Variants in CCR8 observed in about 807,000 individuals in gnomAD.
The protein encoded by CCR8 is C-C motif chemokine receptor 8.
For synonymous variants in CCR8, 156 were observed against 165.7 expected, an observed-to-expected ratio of 0.94 and a Z score of 0.45; for missense variants, 358 against 417.5, an observed-to-expected ratio of 0.86 and a Z score of 1.24.
rs2041272990 is a variant in CCR8 at position 39,333,482 on chromosome 3, T to C, written c.*83T>C. On this transcript the variant is annotated 3_prime_UTR_variant, in exon 2 of 2. Coordinates refer to ENST00000326306, the MANE Select transcript of CCR8 (RefSeq NM_005201.4). ...GAGCAAAGGTGTGGGTGTGAAAGGT[T>C]TCCAAAAAAAGTTCAGCATGAAGGA... 8.7e-7 allele frequency: 1 copy of C among 1,146,182 alleles called. No homozygotes were observed. Among genetic ancestry groups the C allele is most frequent in the Non-Finnish European group, 1.2e-6 (1 of 814,528 alleles). 71.0% of individuals were successfully genotyped at this position (1,146,182 alleles called of 1,614,324 possible). A position where few individuals can be genotyped will look rare whatever the true frequency, so the allele number is the denominator to read the frequency against.
At chr3:39,330,565 A>C (rs1219214737) in intron 1 of CCR8, among the ~76,000 whole-genome samples, 1 of 152,194 alleles carries the variant, frequency 6.6e-6, no homozygotes, top group Non-Finnish European at 1.5e-5. Flanking sequence ...CAAGTTTTAT[A>C]ATTTTTATGT....
chr3:39,331,082 C>G (rs2041251608), intron 1 of CCR8, among the ~76,000 whole-genome samples: 1 of 151,874 alleles, frequency 6.6e-6, no homozygotes, highest in Non-Finnish European at 1.5e-5. Flanking sequence ...AAAAAATAAC[C>G]CAAAGCATTG....
In CCR8 at chr3:39,332,356, G is replaced by A. The variant is rs754604820; in HGVS notation, c.25G>A (p.Val9Met). 6.2e-7 allele frequency: 1 copy of A among 1,613,818 alleles called. No homozygotes were observed. Among genetic ancestry groups the A allele is most frequent in the Non-Finnish European group, 8.5e-7 (1 of 1,179,740 alleles). Residue 9 changes from valine (V) to methionine (M), a missense_variant, in exon 2 of 2, where the codon GTG becomes ATG. By Grantham distance (21) the Val-to-Met change is conservative. Transcript: ENST00000326306. ...GATGGATTATACACTTGACCTCAGTGTGACAACAGTGACCGACTACTACTA... is the reference window on the plus strand; with the variant it reads ...GATGGATTATACACTTGACCTCAGTATGACAACAGTGACCGACTACTACTA... MDYTLDLS[V>M]TTVTDYYYPD...
chr3:39,333,251 T>C lies in CCR8; in HGVS notation c.920T>C (p.Phe307Ser). Residue 307 changes from phenylalanine (F) to serine (S), a missense_variant, in exon 2 of 2, where the codon TTC (phenylalanine) becomes TCC (serine). By Grantham distance (155) the Phe-to-Ser change is radical. Transcript: ENST00000326306. Reference sequence around the variant, plus strand: ...ATCTATGCTTTTGTTGGGGAGAAGTTCAAGAAACACCTCTCAGAAATATTT... The same window carrying C: ...ATCTATGCTTTTGTTGGGGAGAAGTCCAAGAAACACCTCTCAGAAATATTT... ...PVIYAFVGEK[F>S]KKHLSEIFQK... The C allele has an allele frequency of 6.2e-7, 1 of 1,614,004 alleles. No homozygotes were observed. Among genetic ancestry groups the C allele is most frequent in the Non-Finnish European group, 8.5e-7 (1 of 1,179,988 alleles).
chr3:39,331,028 G>A (rs1197736740), intron 1 of CCR8, among the ~76,000 whole-genome samples: 1 of 151,478 alleles, frequency 6.6e-6, no homozygotes, highest in Non-Finnish European at 1.5e-5. Context: ...GAGGGAATGA[G>A]GGAGGGAGAA....
Position 39,333,668 on chromosome 3 carries a change from C to T in CCR8, c.*269C>T, listed in dbSNP as rs1392139496. On this transcript the variant is annotated 3_prime_UTR_variant, in exon 2 of 2. Coordinates refer to ENST00000326306, the MANE Select transcript of CCR8 (RefSeq NM_005201.4). ...CCAAGTGAAAAAAAAAGATGTCTGA[C>T]CTCCTTACATATGCAAAAATATACC... Among the ~76,000 whole-genome samples, 1 of 152,076 alleles carries T rather than the reference C, an allele frequency of 6.6e-6. No homozygotes were observed. The highest frequency in any genetic ancestry group is 2.4e-5 in the African/African-American group (1 of 41,378).
At chr3:39,331,476 C>CT (rs1388295905) in intron 1 of CCR8, among the ~76,000 whole-genome samples, 1 of 148,700 alleles carries the variant, frequency 6.7e-6, no homozygotes, top group Non-Finnish European at 1.5e-5. Context: ...TTTCTGTTTT[C>CT]TTTTTTTTGA....
intron 1 of CCR8, among the ~76,000 whole-genome samples, chr3:39,330,188 C>G (rs1050820415): frequency 6.6e-6 from 1 of 152,146 alleles, no homozygotes; most frequent in East Asian, 1.9e-4. Context: ...CTGAAGGACA[C>G]CTGGGTGCTG....
At chr3:39,331,820 A>ATTTTTTT (rs57593683) in intron 1 of CCR8, among the ~76,000 whole-genome samples, 13 of 93,984 alleles carry the variant, frequency 1.4e-4, no homozygotes, top group East Asian at 3.1e-4. Context: ...TTTAATTTTA[A>ATTTTTTT]TTTTTTTTTT....
intron 1 of CCR8, among the ~76,000 whole-genome samples, chr3:39,331,135 T>C (rs1177641328): frequency 6.6e-6 from 1 of 152,186 alleles, no homozygotes; most frequent in African/African-American, 2.4e-5. Context: ...GATGGAACTA[T>C]GGGTATTTAC....
chr3:39,333,212 G>C lies in CCR8; in HGVS notation c.881G>C (p.Cys294Ser), dbSNP rs774697769. 1 of 1,614,066 alleles carries C rather than the reference G, an allele frequency of 6.2e-7. No individual in the cohort carries two copies. Among genetic ancestry groups the C allele is most frequent in the South Asian group, 1.1e-5 (1 of 91,074 alleles). ...GAAATCATTTCCTTTACTCACTGCT[G>C]TGTGAACCCTGTTATCTATGCTTTT... The part of the protein sequence containing the change: ...VTEIISFTHC[C>S]VNPVIYAFVG... The change falls in exon 2 of 2, where the codon TGT becomes TCT. Residue 294 changes from cysteine (C) to serine (S), a missense_variant. Coordinates refer to ENST00000326306, the MANE Select transcript of CCR8 (RefSeq NM_005201.4).
chr3:39,330,949 G>A (rs1391562725), intron 1 of CCR8, among the ~76,000 whole-genome samples: 4 of 151,530 alleles, frequency 2.6e-5, no homozygotes, highest in African/African-American at 7.3e-5. Flanking sequence ...AAGTTGTGTA[G>A]TTAAAGGGAA....
chr3:39,332,980 T>C lies in CCR8; in HGVS notation c.649T>C (p.Cys217Arg), dbSNP rs2041268762. ...GATCCCATTCACCATCTTTATGTTCTGCTACATTAAAATCCTGCACCAGCT... is the reference window on the plus strand; with the variant it reads ...GATCCCATTCACCATCTTTATGTTCCGCTACATTAAAATCCTGCACCAGCT... ...LLIPFTIFMF[C>R]YIKILHQLKR... Residue 217 changes from cysteine (C) to arginine (R), a missense_variant, in exon 2 of 2, where the codon TGC becomes CGC. Transcript: ENST00000326306. 6.2e-7 allele frequency: 1 copy of C among 1,614,214 alleles called. No individual in the cohort carries two copies. The highest frequency in any genetic ancestry group is 1.3e-5 in the African/African-American group (1 of 75,066).
chr3:39,333,465 G>C lies in CCR8; in HGVS notation c.*66G>C. 7.6e-7 allele frequency: 1 copy of C among 1,307,962 alleles called. No homozygotes were observed. The highest frequency in any genetic ancestry group is 1.1e-6 in the Non-Finnish European group (1 of 950,360). The allele number at this position is 1,307,962 out of a possible 1,614,324, so 81.0% of individuals were successfully genotyped here. A position where few individuals can be genotyped will look rare whatever the true frequency, so the allele number is the denominator to read the frequency against. On this transcript the variant is annotated 3_prime_UTR_variant, in exon 2 of 2. Transcript: ENST00000326306. ...GGCATGCTAGTAGCAGTGAGCAAAG[G>C]TGTGGGTGTGAAAGGTTTCCAAAAA...
At position 39,332,811 on chromosome 3, in the gene CCR8, C is replaced by T. The variant is rs145490446; in HGVS notation, c.480C>T (p.Thr160=). The part of the protein sequence containing the change: ...GTTLCLAVWL[T]AIMATIPLLV... ...CGCTGTGCCTGGCAGTATGGCTAACCGCCATTATGGCTACCATCCCATTGC... is the reference window on the plus strand; with the variant it reads ...CGCTGTGCCTGGCAGTATGGCTAACTGCCATTATGGCTACCATCCCATTGC... Residue 160 remains threonine, a synonymous_variant, in exon 2 of 2, where the codon ACC becomes ACT. Transcript: ENST00000326306. The T allele has an allele frequency of 9.4e-5, 152 of 1,614,022 alleles. No homozygotes were observed. The highest frequency in any genetic ancestry group is 5.3e-4 in the African/African-American group (40 of 74,906).
Position 39,332,547 on chromosome 3 carries a change from A to G in CCR8, c.216A>G (p.Val72=). ...AGAAGCTGAGGAGCATCACAGATGT[A>G]TACCTCTTGAACCTGGCCCTGTCTG... is the stretch of plus-strand genomic sequence containing the variant. ...VCKKLRSITD[V]YLLNLALSDL... is the part of the protein sequence containing the mutation. Residue 72 remains valine, a synonymous_variant, in exon 2 of 2, where the codon GTA becomes GTG. Transcript: ENST00000326306. The G allele has an allele frequency of 1.2e-6, 2 of 1,614,058 alleles. No homozygotes were observed. Among genetic ancestry groups the G allele is most frequent in the Non-Finnish European group, 8.5e-7 (1 of 1,179,970 alleles).
rs755394095 is a variant in CCR8 at position 39,332,945 on chromosome 3, T to C, written c.614T>C (p.Leu205Ser). The C allele has an allele frequency of 5.6e-6, 9 of 1,614,064 alleles. No individual in the cohort carries two copies. Among genetic ancestry groups the C allele is most frequent in the Non-Finnish European group, 6.8e-6 (8 of 1,180,024 alleles). ...TTCACCAACTTCAAAATGAACATTT[T>C]AGGCTTGTTGATCCCATTCACCATC... ...KIFTNFKMNI[L>S]GLLIPFTIFM... The change falls in exon 2 of 2, where the codon TTA (leucine) becomes TCA (serine). Residue 205 changes from leucine to serine, a missense_variant. By Grantham distance (145) the Leu-to-Ser change is moderately radical. Transcript: ENST00000326306.
chr3:39,332,123 T>A (rs911843741), intron 1 of CCR8, among the ~76,000 whole-genome samples, 195 bp from the exon 2 acceptor site: 1 of 152,122 alleles, frequency 6.6e-6, no homozygotes, highest in Non-Finnish European at 1.5e-5. Flanking sequence ...TCCCGGTCTA[T>A]CATTTAACCT....
chr3:39,332,748 G>C lies in CCR8; in HGVS notation c.417G>C (p.Val139=), dbSNP rs2041266298. The C allele has an allele frequency of 6.2e-7, 1 of 1,614,148 alleles. No individual in the cohort carries two copies. Among genetic ancestry groups the C allele is most frequent in the African/African-American group, 1.3e-5 (1 of 75,038 alleles). ...VDRYLAVVHA[V]YALKVRTIRM... is the part of the protein sequence containing the mutation. ...GGTACCTGGCTGTTGTCCATGCCGTGTATGCCCTAAAGGTGAGGACGATCA... is the reference window on the plus strand; with the variant it reads ...GGTACCTGGCTGTTGTCCATGCCGTCTATGCCCTAAAGGTGAGGACGATCA... The change falls in exon 2 of 2, where the codon GTG becomes GTC. Residue 139 remains valine, a synonymous_variant. Coordinates refer to ENST00000326306, the MANE Select transcript of CCR8 (RefSeq NM_005201.4).
Sources: gnomAD v4.1 joint callset for allele counts (sites outside exome capture counted in the v4.1 genomes callset) on GRCh38, gnomAD v4.1.1 for gene constraint, MANE v1.5 for transcripts, NCBI Gene and HGNC (gene_info 2026-07-23, HGNC 2026-07-21) for gene names.